LMBR1: variants seen among roughly 807,000 people sequenced by gnomAD.
The protein encoded by LMBR1 is limb region 1 protein homolog.
LMBR1 carries 52 observed loss-of-function variants against 73.9 expected under a neutral mutation model. That is an observed-to-expected ratio of 0.70 (90% CI 0.56 to 0.89). The LOEUF (loss-of-function observed/expected upper bound fraction) is 0.89. Among genes scored for constraint, LMBR1 ranks in the 40% least tolerant of loss-of-function variants. The probability of loss-of-function intolerance (pLI) is 0.00; values close to 1 mark genes in which losing one functional copy is unlikely to be tolerated. For missense variants in LMBR1, 539 were observed against 579.8 expected, an observed-to-expected ratio of 0.93 and a Z score of 0.72; for synonymous variants, 215 against 209.4, an observed-to-expected ratio of 1.03 and a Z score of -0.23.
chr7:156,752,695 C>G (rs1374857343), intron 9 of LMBR1, among the ~76,000 whole-genome samples: 3 of 152,044 alleles, frequency 2.0e-5, no homozygotes, highest in Admixed American at 6.5e-5. Flanking sequence ...AGGTGAAGAT[C>G]TGAGGGAAGA....
At chr7:156,688,270 A>C in intron 15 of LMBR1, 79 bp from the exon 16 acceptor site, 1 of 981,080 alleles carries the variant, frequency 1.0e-6, no homozygotes. Flanking sequence ...AGTACAAGTT[A>C]GATCGAATTC....
chr7:156,768,407 T>C (rs1028941482), intron 5 of LMBR1, among the ~76,000 whole-genome samples: 1 of 152,124 alleles, frequency 6.6e-6, no homozygotes, highest in Non-Finnish European at 1.5e-5. Context: ...AAAACCTTTA[T>C]TCATTATATT....
chr7:156,888,437 T>C (rs1490862721), intron 1 of LMBR1, among the ~76,000 whole-genome samples: 1 of 147,468 alleles, frequency 6.8e-6, no homozygotes, highest in South Asian at 2.1e-4. Flanking sequence ...AAATTAAACA[T>C]AGAATTATCA....
chr7:156,814,908 T>C (rs1221489982), intron 4 of LMBR1, among the ~76,000 whole-genome samples: 1 of 151,972 alleles, frequency 6.6e-6, no homozygotes, highest in African/African-American at 2.4e-5. Context: ...TGTAATCCCA[T>C]CACTTTAGGA....
At chr7:156,879,971 A>G (rs934545205) in intron 1 of LMBR1, among the ~76,000 whole-genome samples, 1 of 152,234 alleles carries the variant, frequency 6.6e-6, no homozygotes, top group Non-Finnish European at 1.5e-5. Flanking sequence ...AAGTAGAACT[A>G]TCATTTGATC....
At position 156,891,227 on chromosome 7, in the gene LMBR1, TATATATACAC is replaced by T. The variant is rs1398801363; in HGVS notation, c.66+1691_66+1700del. Among the ~76,000 whole-genome samples the T allele has an allele frequency of 8.1e-3, 658 of 80,798 alleles. 8 individuals carry two copies. The highest frequency in any genetic ancestry group is 0.026 in the African/African-American group (521 of 20,336). 53.0% of individuals were successfully genotyped at this position (80,798 alleles called of 152,430 possible). On this transcript the variant is annotated intron_variant, in intron 1 of 16. Transcript: ENST00000353442. ...AAAAAAAAAAATATATATATATATA[TATATATACAC>T]ACACACACACACACACACACACATA...
chr7:156,869,247 A>G (rs1798918158), intron 1 of LMBR1, among the ~76,000 whole-genome samples: 1 of 152,100 alleles, frequency 6.6e-6, no homozygotes, highest in Admixed American at 6.6e-5. Flanking sequence ...TTATATTTGG[A>G]TATAATATTC....
intron 8 of LMBR1, among the ~76,000 whole-genome samples, 165 bp downstream of exon 8, chr7:156,761,969 T>A (rs1823106134): frequency 2.1e-5 from 2 of 96,332 alleles, no homozygotes; most frequent in South Asian, 3.1e-4. Flanking sequence ...AGAGCAAGAC[T>A]CTGTCTCAAA....
chr7:156,709,244 C>T (rs79252363), intron 15 of LMBR1, among the ~76,000 whole-genome samples: 1,575 of 152,326 alleles, frequency 0.01, 31 homozygotes, highest in African/African-American at 0.036. Flanking sequence ...AACCAACTGG[C>T]CAACCACATC....
chr7:156,844,335 A>C (rs528173998), intron 1 of LMBR1, among the ~76,000 whole-genome samples: 3 of 152,248 alleles, frequency 2.0e-5, no homozygotes, highest in African/African-American at 7.2e-5. Flanking sequence ...CACAAAAAAA[A>C]GCTACACACT....
chr7:156,831,829 A>G (rs754380972), intron 3 of LMBR1, among the ~76,000 whole-genome samples: 34 of 152,354 alleles, frequency 2.2e-4, no homozygotes, highest in East Asian at 7.7e-4. Flanking sequence ...CTACGAGTAC[A>G]CTGAAGTCGA....
At chr7:156,753,493 GA>G (rs1349750244) in intron 9 of LMBR1, among the ~76,000 whole-genome samples, 1 of 152,122 alleles carries the variant, frequency 6.6e-6, no homozygotes, top group African/African-American at 2.4e-5. Context: ...CTTTGAGCAA[GA>G]AAGTGGCAGT....
chr7:156,676,611 C>T, downstream of LMBR1: 1 of 1,614,166 alleles, frequency 6.2e-7, no homozygotes, highest in East Asian at 2.2e-5. Context: ...CCATGCCTGT[C>T]CTCTCTGCCG....
intron 4 of LMBR1, among the ~76,000 whole-genome samples, chr7:156,802,437 A>C (rs762266272): frequency 2.2e-4 from 34 of 152,240 alleles, no homozygotes; most frequent in Non-Finnish European, 3.4e-4. Context: ...TGAGTTCCAT[A>C]AACAAACAAT....
chr7:156,724,668 T>C (rs551827425), intron 14 of LMBR1, among the ~76,000 whole-genome samples: 4 of 152,226 alleles, frequency 2.6e-5, no homozygotes, highest in Admixed American at 2.6e-4. Context: ...TATTCTTCCA[T>C]AGTAAATAAG....
intron 15 of LMBR1, among the ~76,000 whole-genome samples, chr7:156,714,094 A>G (rs1812680385): frequency 1.3e-5 from 2 of 152,250 alleles, no homozygotes; most frequent in South Asian, 4.1e-4. Context: ...AAATGTCTAT[A>G]TACAAACAGT....
chr7:156,847,078 A>G (rs1018300927), intron 1 of LMBR1, among the ~76,000 whole-genome samples: 31 of 152,216 alleles, frequency 2.0e-4, no homozygotes, highest in African/African-American at 7.2e-4. Context: ...GGAAAAACAC[A>G]GACAAATATA....
At chr7:156,780,171 T>C (rs1229207813) in intron 5 of LMBR1, among the ~76,000 whole-genome samples, 1 of 152,194 alleles carries the variant, frequency 6.6e-6, no homozygotes, top group Non-Finnish European at 1.5e-5. Context: ...TGTTTTTTAA[T>C]ATTAATATGC....
chr7:156,890,141 T>G (rs192797973), intron 1 of LMBR1, among the ~76,000 whole-genome samples: 8 of 152,230 alleles, frequency 5.3e-5, no homozygotes, highest in Admixed American at 3.3e-4. Flanking sequence ...GACATTCCTG[T>G]GGGAGAAAAA....
Sources: allele counts gnomAD v4.1 joint callset (sites outside exome capture counted in the v4.1 genomes callset), GRCh38; gene constraint gnomAD v4.1.1; transcripts MANE v1.5; gene names NCBI Gene and HGNC (gene_info 2026-07-23, HGNC 2026-07-21).